TRPS1: variants seen among roughly 807,000 people sequenced by gnomAD.
TRPS1 encodes the protein zinc finger transcription factor Trps1.
A neutral mutation model predicts 101.2 loss-of-function variants in TRPS1; 6 were observed. The ratio of observed to expected loss-of-function variants is 0.06; its 90% CI spans 0.03 to 0.12. The LOEUF (loss-of-function observed/expected upper bound fraction) is 0.12, where lower values mean the gene tolerates loss of function less well. Among genes scored for constraint, TRPS1 ranks in the 10% least tolerant of loss-of-function variants. The pLI, the probability that TRPS1 is intolerant of heterozygous loss-of-function variation, is 1.00. For synonymous variants in TRPS1, 578 were observed against 589.8 expected, an observed-to-expected ratio of 0.98 and a Z score of 0.29; for missense variants, 1,363 against 1,567.0, an observed-to-expected ratio of 0.87 and a Z score of 2.20.
At chr8:115,630,787 T>C (rs963688719) in intron 1 of TRPS1, among the ~76,000 whole-genome samples, 3 of 152,068 alleles carry the variant, frequency 2.0e-5, no homozygotes, top group African/African-American at 7.2e-5. Flanking sequence ...AAATCGCTTG[T>C]CTAGGTGCAG....
intron 5 of TRPS1, among the ~76,000 whole-genome samples, chr8:115,454,697 T>C (rs1300319638): frequency 6.6e-6 from 1 of 152,196 alleles, no homozygotes; most frequent in Non-Finnish European, 1.5e-5. Context: ...AGAATTATTT[T>C]GAAATATAGA....
chr8:115,528,766 C>A (rs1816060663), intron 5 of TRPS1, among the ~76,000 whole-genome samples: 1 of 151,776 alleles, frequency 6.6e-6, no homozygotes, highest in Non-Finnish European at 1.5e-5. Flanking sequence ...CATCTAGAGG[C>A]ATATAAAGAT....
At chr8:115,433,310 G>C (rs1158075921) in intron 5 of TRPS1, among the ~76,000 whole-genome samples, 2 of 151,814 alleles carry the variant, frequency 1.3e-5, no homozygotes, top group African/African-American at 2.4e-5. Flanking sequence ...GATTAAGATA[G>C]TCAATTTCAA....
intron 5 of TRPS1, among the ~76,000 whole-genome samples, chr8:115,485,603 A>G (rs1344542708): frequency 3.9e-5 from 6 of 152,180 alleles, no homozygotes; most frequent in Non-Finnish European, 8.8e-5. Context: ...TATGTTGCCT[A>G]TATATATCAT....
intron 5 of TRPS1, among the ~76,000 whole-genome samples, chr8:115,422,296 G>C (rs1813082697): frequency 6.6e-6 from 1 of 151,994 alleles, no homozygotes; most frequent in Admixed American, 6.6e-5. Flanking sequence ...AATTAATCTG[G>C]AGTTGGGCAG....
At chr8:115,456,677 CCATAAAGAAATA>C (rs1015129834) in intron 5 of TRPS1, among the ~76,000 whole-genome samples, 2 of 151,792 alleles carry the variant, frequency 1.3e-5, no homozygotes, top group South Asian at 2.1e-4. Flanking sequence ...TACAAGCAAA[CCATAAAGAAATA>C]CATAAAGAAA....
intron 5 of TRPS1, among the ~76,000 whole-genome samples, chr8:115,451,477 C>T (rs1177080308): frequency 6.6e-6 from 1 of 152,110 alleles, no homozygotes; most frequent in African/African-American, 2.4e-5. Flanking sequence ...CTGATGAACA[C>T]ATGAAAGAAA....
chr8:115,600,753 ATCC>A (rs150150532), intron 4 of TRPS1, among the ~76,000 whole-genome samples: 2,462 of 151,960 alleles, frequency 0.016, 56 homozygotes, highest in African/African-American at 0.056. Flanking sequence ...TAGGGAAGTA[ATCC>A]TCCTACTCGT....
chr8:115,471,610 G>A (rs1355602958), intron 5 of TRPS1, among the ~76,000 whole-genome samples: 2 of 152,060 alleles, frequency 1.3e-5, no homozygotes, highest in South Asian at 2.1e-4. Context: ...GTTCCCCAAT[G>A]TCTTATCCAG....
chr8:115,503,968 C>T (rs79884559), intron 5 of TRPS1, among the ~76,000 whole-genome samples: 2,305 of 152,284 alleles, frequency 0.015, 51 homozygotes, highest in African/African-American at 0.053. Flanking sequence ...CAAGGGCACA[C>T]GTGAAATCCC....
chr8:115,558,942 T>C (rs964268052), intron 5 of TRPS1, among the ~76,000 whole-genome samples: 10 of 152,152 alleles, frequency 6.6e-5, no homozygotes, highest in Non-Finnish European at 1.2e-4. Context: ...AAAAAATTCA[T>C]ATGTTAAGGG....
chr8:115,576,099 C>A (rs2049864), intron 5 of TRPS1, among the ~76,000 whole-genome samples: 105,063 of 151,908 alleles, frequency 0.69, 37,757 homozygotes, highest in African/African-American at 0.89. Flanking sequence ...CTTCATTCAT[C>A]AGCAGCCCCT....
chr8:115,543,212 G>T (rs993215671), intron 5 of TRPS1, among the ~76,000 whole-genome samples: 1 of 152,130 alleles, frequency 6.6e-6, no homozygotes, highest in Non-Finnish European at 1.5e-5. Flanking sequence ...TAGGGAAGCA[G>T]GCATGGTCTT....
At chr8:115,574,451 T>C (rs2130406611) in intron 5 of TRPS1, among the ~76,000 whole-genome samples, 1 of 152,192 alleles carries the variant, frequency 6.6e-6, no homozygotes, top group African/African-American at 2.4e-5. Context: ...GAATCTCTAG[T>C]GTTATGAAAG....
chr8:115,516,530 T>C (rs1019918067), intron 5 of TRPS1, among the ~76,000 whole-genome samples: 1 of 151,640 alleles, frequency 6.6e-6, no homozygotes, highest in African/African-American at 2.4e-5. Context: ...TATATAACTC[T>C]ATAAATAATA....
chr8:115,475,266 TTATATATATATATATATATATATATA>T (rs33922102), intron 5 of TRPS1, among the ~76,000 whole-genome samples: 1,412 of 124,014 alleles, frequency 0.011, 58 homozygotes, highest in African/African-American at 0.046. Flanking sequence ...TGAATCACAG[TTATATATATATATATATATATATATA>T]TATATATATA....
intron 5 of TRPS1, among the ~76,000 whole-genome samples, chr8:115,580,245 A>AAAT (rs1554591592): frequency 0.051 from 7,154 of 139,658 alleles, 222 homozygotes; most frequent in African/African-American, 0.063. Context: ...AAAAAAAAAA[A>AAAT]ATATATATAT....
At chr8:115,532,480 G>A (rs529356851) in intron 5 of TRPS1, among the ~76,000 whole-genome samples, 1 of 152,228 alleles carries the variant, frequency 6.6e-6, no homozygotes, top group South Asian at 2.1e-4. Context: ...GAAGCTCAGT[G>A]TCTAGAAGAG....
chr8:115,533,434 C>CTGTTTTTTTTTTTT lies in TRPS1; in HGVS notation c.2700+53553_2700+53566dup, dbSNP rs1563580565. Among the ~76,000 whole-genome samples the CTGTTTTTTTTTTTT allele has an allele frequency of 2.7e-3, 88 of 32,274 alleles. 1 individual carries two copies. Among genetic ancestry groups the CTGTTTTTTTTTTTT allele is most frequent in the African/African-American group, 8.4e-3 (78 of 9,284 alleles). The allele number at this position is 32,274 out of a possible 152,430, so 21.2% of individuals were successfully genotyped here. On this transcript the variant is annotated intron_variant, in intron 5 of 6. Coordinates refer to ENST00000395715, the MANE Select transcript of TRPS1 (RefSeq NM_014112.5). ...AAGGGGCCCGCTTCCCACATGTAAT[C>CTGTTTTTTTTTTTT]TGTTTTTTTTTTTTTTTTTTTTTTT...
Sources: allele counts gnomAD v4.1 joint callset (sites outside exome capture counted in the v4.1 genomes callset), GRCh38; gene constraint gnomAD v4.1.1; transcripts MANE v1.5; gene names NCBI Gene and HGNC (gene_info 2026-07-23, HGNC 2026-07-21).